Variants in NRXN3 observed in about 807,000 individuals in gnomAD.
NRXN3 encodes neurexin 3, also known as neurexin III.
A neutral mutation model predicts 137.6 loss-of-function variants in NRXN3; 32 were observed. That is an observed-to-expected ratio of 0.23 (90% CI 0.18 to 0.31). NRXN3 has a LOEUF of 0.31. Among genes scored for constraint, NRXN3 ranks in the 10% least tolerant of loss-of-function variants. The pLI is 1.00. For synonymous variants in NRXN3, 798 were observed against 784.5 expected (o/e 1.02, Z -0.29); for missense variants, 1,574 against 2,062.5 (o/e 0.76, Z 4.59).
At chr14:79,850,800 T>G (rs560343832) in intron 20 of NRXN3, among the ~76,000 whole-genome samples, 1 of 152,296 alleles carries the variant, frequency 6.6e-6, no homozygotes, top group South Asian at 2.1e-4. Context: ...TAGCAAGCAA[T>G]GTCATTTTGT....
intron 8 of NRXN3, among the ~76,000 whole-genome samples, chr14:78,724,576 G>T (rs1174004203): frequency 6.6e-6 from 1 of 152,080 alleles, no homozygotes; most frequent in Non-Finnish European, 1.5e-5. Context: ...CCCTCGTTTT[G>T]GTTCCTATTT....
At chr14:78,724,725 TCTAA>T in intron 8 of NRXN3, among the ~76,000 whole-genome samples, 1 of 152,326 alleles carries the variant, frequency 6.6e-6, no homozygotes, top group East Asian at 1.9e-4. Flanking sequence ...AGTAATTTGT[TCTAA>T]CTGATAAATT....
chr14:78,524,538 G>A lies in NRXN3; in HGVS notation c.758-120582G>A, dbSNP rs139006719. 6.5e-3 allele frequency among the ~76,000 whole-genome samples: 986 copies of A among 152,254 alleles called. 8 individuals are homozygous for A. Among genetic ancestry groups the A allele is most frequent in the African/African-American group, 0.023 (936 of 41,548 alleles). On this transcript the variant is annotated intron_variant, in intron 4 of 20. Transcript: ENST00000335750. ...CTCCACCTAAGACCGATTGAATCAGGTTCTTTTAGTGTAGGGTGCAGGAAT... is the reference window on the plus strand; with the variant it reads ...CTCCACCTAAGACCGATTGAATCAGATTCTTTTAGTGTAGGGTGCAGGAAT...
At chr14:78,173,994 C>T (rs1370908854) in intron 1 of NRXN3, among the ~76,000 whole-genome samples, 3 of 152,142 alleles carry the variant, frequency 2.0e-5, no homozygotes, top group South Asian at 2.1e-4. Context: ...TCCGCAACCG[C>T]GGTCTTCTTT....
chr14:79,124,577 C>T (rs1310910225), intron 15 of NRXN3, among the ~76,000 whole-genome samples: 1 of 152,132 alleles, frequency 6.6e-6, no homozygotes, highest in Non-Finnish European at 1.5e-5. Flanking sequence ...ATCTCCAAAC[C>T]AGGACACCTT....
At chr14:78,457,750 C>T (rs997252619) in intron 4 of NRXN3, among the ~76,000 whole-genome samples, 3 of 152,080 alleles carry the variant, frequency 2.0e-5, no homozygotes, top group African/African-American at 4.8e-5. Flanking sequence ...TGTATATGTG[C>T]ATACACACGT....
At chr14:79,346,559 T>A (rs1336408581) in intron 15 of NRXN3, among the ~76,000 whole-genome samples, 1 of 152,214 alleles carries the variant, frequency 6.6e-6, no homozygotes, top group Non-Finnish European at 1.5e-5. Flanking sequence ...TCTTTCTTAC[T>A]GCCTGGAAAT....
At chr14:79,324,212 GT>G (rs1422647370) in intron 15 of NRXN3, among the ~76,000 whole-genome samples, 1 of 152,188 alleles carries the variant, frequency 6.6e-6, no homozygotes, top group Non-Finnish European at 1.5e-5. Flanking sequence ...AAGAAGAGCC[GT>G]TTAGTAAAGG....
intron 15 of NRXN3, among the ~76,000 whole-genome samples, chr14:79,164,876 A>T (rs1283169219): frequency 6.6e-6 from 1 of 152,004 alleles, no homozygotes; most frequent in Non-Finnish European, 1.5e-5. Flanking sequence ...AAGCAGACTT[A>T]AAATATTTTT....
intron 3 of NRXN3, among the ~76,000 whole-genome samples, chr14:78,293,978 C>T (rs1341501261): frequency 6.6e-6 from 1 of 152,216 alleles, no homozygotes; most frequent in Non-Finnish European, 1.5e-5. Flanking sequence ...ATGCTGCTAC[C>T]TGGAATGTCC....
intron 16 of NRXN3, among the ~76,000 whole-genome samples, chr14:79,558,261 G>A (rs986647841): frequency 6.6e-6 from 1 of 152,052 alleles, no homozygotes; most frequent in Non-Finnish European, 1.5e-5. Flanking sequence ...AATCATTGAT[G>A]TTCTTCATGG....
intron 4 of NRXN3, among the ~76,000 whole-genome samples, chr14:78,472,651 A>T (rs992899577): frequency 3.3e-5 from 5 of 152,210 alleles, no homozygotes; most frequent in Non-Finnish European, 7.3e-5. Flanking sequence ...TGAGGCTTAG[A>T]TCACATGTCT....
chr14:79,033,557 G>A (rs547712578), intron 15 of NRXN3, among the ~76,000 whole-genome samples: 9 of 152,144 alleles, frequency 5.9e-5, no homozygotes, highest in Non-Finnish European at 1.2e-4. Context: ...ATGGAATCAG[G>A]AATATGTCTC....
At chr14:78,643,629 T>C (rs2097657140) in intron 4 of NRXN3, among the ~76,000 whole-genome samples, 1 of 152,168 alleles carries the variant, frequency 6.6e-6, no homozygotes, top group Non-Finnish European at 1.5e-5. Flanking sequence ...AGTTCTGCAT[T>C]GGGAAATAGC....
chr14:78,571,433 T>C (rs1329157822), intron 4 of NRXN3, among the ~76,000 whole-genome samples: 1 of 152,158 alleles, frequency 6.6e-6, no homozygotes, highest in Non-Finnish European at 1.5e-5. Flanking sequence ...TAGTTTTGTC[T>C]TTGGGGATGA....
rs377131387 is a variant in NRXN3, at chr14:78,594,625, G to T, written c.758-50495G>T. ...AGCACAGTTCTAGATTCATATTTGG[G>T]CCAGAAGTCCACACTCAATCTCCCC... On this transcript the variant is annotated intron_variant, in intron 4 of 20. Coordinates refer to ENST00000335750, the MANE Select transcript of NRXN3 (RefSeq NM_001330195.2). 3.3e-5 allele frequency among the ~76,000 whole-genome samples: 5 copies of T among 152,168 alleles called. No individual in the cohort carries two copies. In the East Asian group the frequency reaches 7.7e-4, roughly 24 times the overall value.
intron 6 of NRXN3, among the ~76,000 whole-genome samples, chr14:78,694,656 G>A (rs1226442382): frequency 6.6e-6 from 1 of 151,946 alleles, no homozygotes; most frequent in Non-Finnish European, 1.5e-5. Flanking sequence ...TGTACTCGAT[G>A]AAGCTTGGGG....
In NRXN3 at chr14:79,636,774, G is replaced by T. The variant is rs944349725; in HGVS notation, c.3445-27004G>T. ...ATCACTGCAAAGGGAGAAAGGAGAA[G>T]GCCATGGGGGGATGCAGCAAGACCC... On this transcript the variant is annotated intron_variant, in intron 16 of 20. Transcript: ENST00000335750. Among the ~76,000 whole-genome samples the T allele has an allele frequency of 3.9e-5, 6 of 152,278 alleles. No homozygotes were observed. In the South Asian group the frequency reaches 1.2e-3, roughly 32 times the overall value.
At chr14:79,686,492 G>A (rs1014243295) in intron 17 of NRXN3, among the ~76,000 whole-genome samples, 1 of 151,930 alleles carries the variant, frequency 6.6e-6, no homozygotes. Context: ...CAAATCACAG[G>A]CTCTCTCAAC....
Sources: gnomAD v4.1 joint callset for allele counts (sites outside exome capture counted in the v4.1 genomes callset) on GRCh38, gnomAD v4.1.1 for gene constraint, MANE v1.5 for transcripts, NCBI Gene and HGNC (gene_info 2026-07-23, HGNC 2026-07-21) for gene names.